The following ADD1 variants were observed in gnomAD, a reference collection of about 807,000 sequenced individuals.
The protein encoded by ADD1 is alpha-adducin.
In ADD1, 24 loss-of-function variants were observed where a neutral mutation model predicts 80.5. The observed-to-expected ratio is 0.30, with a 90% CI of 0.22 to 0.42. The LOEUF is 0.42. Among genes scored for constraint, ADD1 ranks in the 10% least tolerant of loss-of-function variants. The probability of loss-of-function intolerance (pLI) is 1.00; values close to 1 mark genes in which losing one functional copy is unlikely to be tolerated. For synonymous variants in ADD1, 373 were observed against 393.8 expected, an observed-to-expected ratio of 0.95 and a Z score of 0.63; for missense variants, 948 against 1,019.0, an observed-to-expected ratio of 0.93 and a Z score of 0.95.
At chr4:2,849,472 T>G (rs1326414329) in intron 1 of ADD1, among the ~76,000 whole-genome samples, 1 of 152,098 alleles carries the variant, frequency 6.6e-6, no homozygotes, top group Non-Finnish European at 1.5e-5. Context: ...CAGGTATATC[T>G]CAAATTTGCT....
intron 13 of ADD1, among the ~76,000 whole-genome samples, chr4:2,910,553 TTCTC>T (rs2109096181): frequency 6.6e-6 from 1 of 152,280 alleles, no homozygotes; most frequent in South Asian, 2.1e-4. Flanking sequence ...CAGTTATTCT[TTCTC>T]TCAGGTGTGT....
At chr4:2,885,853 G>A (rs529394934) in intron 4 of ADD1, among the ~76,000 whole-genome samples, 116 of 152,108 alleles carry the variant, frequency 7.6e-4, no homozygotes, top group African/African-American at 1.7e-3. Flanking sequence ...CTTGTGATCC[G>A]CCCGCCTTGG....
At chr4:2,905,472 C>A (rs181345460) in intron 10 of ADD1, 1 of 234,806 alleles carries the variant, frequency 4.3e-6, no homozygotes, top group Admixed American at 5.1e-5. Flanking sequence ...CAGTCCTAAA[C>A]CTGTATTTTA....
intron 4 of ADD1, among the ~76,000 whole-genome samples, chr4:2,888,850 T>G (rs1212919761): frequency 6.6e-6 from 1 of 151,948 alleles, no homozygotes; most frequent in Non-Finnish European, 1.5e-5. Flanking sequence ...ACAAGTGAAA[T>G]ATGAAAAATG....
chr4:2,903,772 C>T lies in ADD1; in HGVS notation c.1162-992C>T, dbSNP rs184143440. On this transcript the variant is annotated intron_variant, in intron 9 of 15. Transcript: ENST00000683351. ...GCCACTGTGAAGTCTGTCTGTCACA[C>T]TTACCAAGTGTGGCCAGGAGAGATG... 4.4e-3 allele frequency among the ~76,000 whole-genome samples: 669 copies of T among 152,296 alleles called. 6 individuals carry two copies. Among genetic ancestry groups the T allele is most frequent in the Admixed American group, 0.019 (289 of 15,298 alleles).
chr4:2,904,967 A>G lies in ADD1; in HGVS notation c.1365A>G (p.Glu455=), dbSNP rs1241925090. The G allele has an allele frequency of 1.2e-6, 2 of 1,614,106 alleles. No homozygotes were observed. Among genetic ancestry groups the G allele is most frequent in the African/African-American group, 2.7e-5 (2 of 74,940 alleles). The change falls in exon 10 of 16, where the codon GAA becomes GAG. Residue 455 remains glutamate, a synonymous_variant. Transcript: ENST00000683351. ...TRWLNSGRGD[E]ASEEGQNGSS... ...GGCTGAACTCTGGCCGGGGCGACGA[A>G]GCTTCCGAGGAAGGGCAGAATGGAA...
intron 9 of ADD1, chr4:2,900,908 C>T (rs1317911300): frequency 6.6e-6 from 1 of 152,256 alleles, no homozygotes; most frequent in Non-Finnish European, 1.5e-5. Context: ...TTCTTGCCCT[C>T]AGGAGTTTAT....
At chr4:2,912,413 C>A (rs1738231674) in intron 13 of ADD1, among the ~76,000 whole-genome samples, 3 of 152,222 alleles carry the variant, frequency 2.0e-5, no homozygotes, top group Admixed American at 2.0e-4. Flanking sequence ...TGGGGACCTG[C>A]TGCGCTGTGC....
chr4:2,901,226 C>G (rs957605518), intron 9 of ADD1: 9 of 152,186 alleles, frequency 5.9e-5, no homozygotes, highest in African/African-American at 2.2e-4. Flanking sequence ...TGAGGTTGGC[C>G]CAGTCACACA....
At chr4:2,885,814 G>C (rs565891125) in intron 4 of ADD1, among the ~76,000 whole-genome samples, 1 of 151,728 alleles carries the variant, frequency 6.6e-6, no homozygotes, top group Non-Finnish European at 1.5e-5. Context: ...GTTTCACCGT[G>C]TTAGCCAGGA....
intron 1 of ADD1, among the ~76,000 whole-genome samples, chr4:2,845,696 C>T (rs1236689075): frequency 6.6e-6 from 1 of 152,104 alleles, no homozygotes; most frequent in Non-Finnish European, 1.5e-5. Context: ...ATCTGATATA[C>T]TGAGAAGGTT....
chr4:2,852,329 CTT>C (rs869236781), intron 1 of ADD1, among the ~76,000 whole-genome samples: 1,237 of 44,654 alleles, frequency 0.028, 43 homozygotes, highest in African/African-American at 0.086. Flanking sequence ...TCTTTTCTTT[CTT>C]TTTTTTTTTT....
intron 1 of ADD1, among the ~76,000 whole-genome samples, chr4:2,872,571 T>C (rs1478343821): frequency 1.3e-5 from 2 of 152,256 alleles, no homozygotes; most frequent in African/African-American, 4.8e-5. Flanking sequence ...TACATTTATT[T>C]ATTTGAGTCA....
chr4:2,854,598 C>T (rs1024135593), intron 1 of ADD1, among the ~76,000 whole-genome samples: 2 of 152,096 alleles, frequency 1.3e-5, no homozygotes, highest in Non-Finnish European at 2.9e-5. Flanking sequence ...TTTTCATCTT[C>T]CTGTTGAGCT....
chr4:2,926,564 C>T lies in ADD1; in HGVS notation c.2047+452C>T. Reference sequence around the variant, plus strand: ...AGCCCGTGGCCCTGCCTTTCTTCTTCTGTAACCTGATGGCTGTGACTGAAT... The same window carrying T: ...AGCCCGTGGCCCTGCCTTTCTTCTTTTGTAACCTGATGGCTGTGACTGAAT... On this transcript the variant is annotated intron_variant, in intron 15 of 15. Coordinates refer to ENST00000683351, the MANE Select transcript of ADD1 (RefSeq NM_001354761.2). The surrounding 1 kb of genome is among the most constrained non-coding windows in gnomAD (Gnocchi z 5.0). 1 of 1,545,450 alleles carries T rather than the reference C, an allele frequency of 6.5e-7. No individual in the cohort carries two copies. Among genetic ancestry groups the T allele is most frequent in the Non-Finnish European group, 8.9e-7 (1 of 1,126,684 alleles).
At chr4:2,925,819 TC>T (rs1740869509) in intron 14 of ADD1, among the ~76,000 whole-genome samples, 194 bp from the exon 15 acceptor site, 1 of 152,212 alleles carries the variant, frequency 6.6e-6, no homozygotes, top group African/African-American at 2.4e-5. Flanking sequence ...GTTAAGTTTC[TC>T]TGAAATTCGC....
chr4:2,866,456 G>A (rs1422787869), intron 1 of ADD1, among the ~76,000 whole-genome samples: 4 of 151,028 alleles, frequency 2.6e-5, no homozygotes, highest in Admixed American at 6.6e-5. Context: ...GATTACAGGC[G>A]TCAGCCTCTG....
At chr4:2,862,121 G>A (rs986909530) in intron 1 of ADD1, among the ~76,000 whole-genome samples, 1 of 152,200 alleles carries the variant, frequency 6.6e-6, no homozygotes, top group African/African-American at 2.4e-5. Flanking sequence ...AGAAGAGGTA[G>A]AACAGCAAGG....
chr4:2,899,228 C>A, intron 8 of ADD1, 31 bp from the exon 9 acceptor site: 2 of 1,583,210 alleles, frequency 1.3e-6, no homozygotes, highest in Admixed American at 1.8e-5. Context: ...CAGTAAGGAA[C>A]TCAAGCCATG....
Sources: gnomAD v4.1 joint callset for allele counts (sites outside exome capture counted in the v4.1 genomes callset) on GRCh38, gnomAD v4.1.1 for gene constraint, Gnocchi (gnomAD v3.1) non-coding constraint, MANE v1.5 for transcripts, NCBI Gene and HGNC (gene_info 2026-07-23, HGNC 2026-07-21) for gene names.